Variants in TIMD4 observed in about 807,000 individuals in gnomAD.
TIMD4 encodes the protein T-cell immunoglobulin and mucin domain-containing protein 4.
In TIMD4, 31 loss-of-function variants were observed where a neutral mutation model predicts 41.2. The ratio of observed to expected loss-of-function variants is 0.75; its 90% CI spans 0.57 to 1.01. The LOEUF is 1.01. Ranked by LOEUF, TIMD4 falls within the 50% of genes least tolerant of loss-of-function variation. The probability of loss-of-function intolerance (pLI) is 0.00; values close to 1 mark genes in which losing one functional copy is unlikely to be tolerated. For missense variants in TIMD4, 479 were observed against 472.5 expected (o/e 1.01, Z -0.13); for synonymous variants, 204 against 177.1 (o/e 1.15, Z -1.21).
intron 1 of TIMD4, among the ~76,000 whole-genome samples, chr5:156,960,935 G>T (rs1760070358): frequency 6.6e-6 from 1 of 152,220 alleles, no homozygotes; most frequent in Admixed American, 6.5e-5. Context: ...GAGGCTACAA[G>T]GTAGCCAGGA....
chr5:156,933,225 T>C (rs1006233885), intron 5 of TIMD4, among the ~76,000 whole-genome samples: 1 of 151,880 alleles, frequency 6.6e-6, no homozygotes, highest in African/African-American at 2.4e-5. Context: ...TGAGGAAAAT[T>C]AAAAAGACTG....
At chr5:156,951,866 C>T (rs924388974) in intron 2 of TIMD4, 76 bp from the exon 3 acceptor site, 8 of 1,579,382 alleles carry the variant, frequency 5.1e-6, no homozygotes, top group African/African-American at 1.3e-5. Flanking sequence ...ATATCTGGGA[C>T]CCATCCATTT....
At chr5:156,961,344 T>C (rs1207161609) in intron 1 of TIMD4, among the ~76,000 whole-genome samples, 2 of 152,062 alleles carry the variant, frequency 1.3e-5, no homozygotes, top group Non-Finnish European at 2.9e-5. Context: ...AAACTAAAAA[T>C]AGAATTACCA....
rs1745139033 is a variant in TIMD4, at chr5:156,919,296, G to A, written c.*161C>T. The A allele has an allele frequency of 3.2e-6, 2 of 617,246 alleles. No individual in the cohort carries two copies. The highest frequency in any genetic ancestry group is 5.8e-6 in the Non-Finnish European group (2 of 344,294). The allele number at this position is 617,246 out of a possible 1,614,324, so 38.2% of individuals were successfully genotyped here. ...ATTAGAGCATGGACAGAGAAGTTGT[G>A]GTCTCTAAAGTACCCTTCATTCATG... On this transcript the variant is annotated 3_prime_UTR_variant, in exon 9 of 9. Transcript: ENST00000274532.
Position 156,962,552 on chromosome 5 carries a change from C to T in TIMD4, c.58+589G>A, listed in dbSNP as rs115741502. On this transcript the variant is annotated intron_variant, in intron 1 of 8. Coordinates refer to ENST00000274532, the MANE Select transcript of TIMD4 (RefSeq NM_138379.3). Reference sequence around the variant, plus strand: ...GAGCCAGAGCAATTTAGACATATTCCCAGTGTCAACAGTTAGTGCCCGAGA... The same window carrying T: ...GAGCCAGAGCAATTTAGACATATTCTCAGTGTCAACAGTTAGTGCCCGAGA... Among the ~76,000 whole-genome samples the T allele has an allele frequency of 3.2e-3, 484 of 152,154 alleles. 3 individuals carry two copies. Among genetic ancestry groups the T allele is most frequent in the African/African-American group, 0.011 (449 of 41,514 alleles).
At position 156,947,478 on chromosome 5, in the gene TIMD4, A is replaced by G. The variant is rs146571484; in HGVS notation, c.844+938T>C. The stretch of plus-strand genomic sequence containing the variant: ...CACTTGCATGAATGGTTAGGGAGGT[A>G]TGCATGTGCTAGGATGTTCACTGCA... On this transcript the variant is annotated intron_variant, in intron 5 of 8. Transcript: ENST00000274532. Among the ~76,000 whole-genome samples the G allele has an allele frequency of 1.5e-3, 224 of 152,346 alleles. 4 individuals carry two copies. The highest frequency in any genetic ancestry group is 5.2e-3 in the African/African-American group (216 of 41,588).
chr5:156,936,746 G>A (rs944094585), intron 5 of TIMD4, among the ~76,000 whole-genome samples: 16 of 150,858 alleles, frequency 1.1e-4, no homozygotes, highest in Non-Finnish European at 2.4e-4. Context: ...GTGAAACCCC[G>A]TCTCTACAAA....
intron 5 of TIMD4, among the ~76,000 whole-genome samples, chr5:156,944,954 G>A (rs940530051): frequency 2.6e-5 from 4 of 152,140 alleles, no homozygotes; most frequent in African/African-American, 7.2e-5. Context: ...TAATTTTAGA[G>A]AACAATGATT....
intron 5 of TIMD4, among the ~76,000 whole-genome samples, chr5:156,932,835 C>T (rs1464593116): frequency 2.6e-5 from 4 of 151,982 alleles, no homozygotes; most frequent in Non-Finnish European, 4.4e-5. Context: ...TAAACCCTGT[C>T]TCTACTAAAA....
At chr5:156,948,556 CT>C in intron 4 of TIMD4, 57 bp from the exon 5 acceptor site, 7 of 1,243,128 alleles carry the variant, frequency 5.6e-6, no homozygotes, top group East Asian at 2.6e-5. Flanking sequence ...TGTCTTCCTG[CT>C]TTTGGTACTC....
chr5:156,924,416 T>C (rs940427225), intron 6 of TIMD4: 2 of 460,374 alleles, frequency 4.3e-6, no homozygotes, highest in Non-Finnish European at 8.8e-6. Flanking sequence ...GAGACAGCTA[T>C]GAATATCTCC....
chr5:156,951,864 G>A, intron 2 of TIMD4, 74 bp from the exon 3 acceptor site: 3 of 1,582,362 alleles, frequency 1.9e-6, no homozygotes, highest in Non-Finnish European at 2.6e-6. Flanking sequence ...GTATATCTGG[G>A]ACCCATCCAT....
intron 7 of TIMD4, among the ~76,000 whole-genome samples, chr5:156,920,914 G>T (rs2113335315): frequency 6.6e-6 from 1 of 152,298 alleles, no homozygotes; most frequent in Middle Eastern, 3.4e-3. Context: ...TGGGGCAGGT[G>T]TTGAAATATA....
At chr5:156,951,853 A>C (rs1423446201) in intron 2 of TIMD4, 63 bp from the exon 3 acceptor site, 1 of 1,596,640 alleles carries the variant, frequency 6.3e-7, no homozygotes, top group South Asian at 1.1e-5. Flanking sequence ...AAATAATGCA[A>C]GTATATCTGG....
chr5:156,939,067 C>T lies in TIMD4; in HGVS notation c.844+9349G>A, dbSNP rs370949804. ...TGTGGGGAGGGAGTCTCCCTTTGCA[C>T]CTCTTCACCTCTCTCTTCATCTCAC... On this transcript the variant is annotated intron_variant, in intron 5 of 8. Transcript: ENST00000274532. Among the ~76,000 whole-genome samples the T allele has an allele frequency of 2.0e-4, 30 of 152,278 alleles. No homozygotes were observed. The South Asian group carries it at 6.2e-3, about 32-fold the overall frequency.
intron 5 of TIMD4, among the ~76,000 whole-genome samples, chr5:156,936,456 C>T (rs1157984767): frequency 6.6e-6 from 1 of 152,178 alleles, no homozygotes; most frequent in Non-Finnish European, 1.5e-5. Context: ...TTACTGCCCT[C>T]ATCTCACAGT....
chr5:156,923,764 T>G (rs1205150786), intron 6 of TIMD4, among the ~76,000 whole-genome samples: 1 of 151,850 alleles, frequency 6.6e-6, no homozygotes, highest in Non-Finnish European at 1.5e-5. Flanking sequence ...CAGGCTGGTC[T>G]TGAACTCCTG....
At chr5:156,935,882 C>T (rs1401818547) in intron 5 of TIMD4, among the ~76,000 whole-genome samples, 1 of 152,208 alleles carries the variant, frequency 6.6e-6, no homozygotes, top group Non-Finnish European at 1.5e-5. Context: ...AATCCTTCAT[C>T]ACTGGACTCT....
At chr5:156,936,226 G>A (rs1057402801) in intron 5 of TIMD4, among the ~76,000 whole-genome samples, 2 of 152,126 alleles carry the variant, frequency 1.3e-5, no homozygotes, top group African/African-American at 2.4e-5. Context: ...GCTGCAGAAC[G>A]AGACCCCATC....
Sources: gnomAD v4.1 joint callset for allele counts (sites outside exome capture counted in the v4.1 genomes callset) on GRCh38, gnomAD v4.1.1 for gene constraint, MANE v1.5 for transcripts, NCBI Gene and HGNC (gene_info 2026-07-23, HGNC 2026-07-21) for gene names.